The following CTNNA3 variants were observed in gnomAD, a reference collection of about 807,000 sequenced individuals.
The protein encoded by CTNNA3 is catenin alpha-3.
Under a neutral mutation model 95.7 loss-of-function variants are expected in CTNNA3, and 76 were observed. That is an observed-to-expected ratio of 0.79 (90% CI 0.66 to 0.96). The LOEUF is 0.96. Among genes scored for constraint, CTNNA3 ranks in the 40% least tolerant of loss-of-function variants. CTNNA3 has a pLI of 0.00. For missense variants in CTNNA3, 1,191 were observed against 1,089.8 expected (o/e 1.09, Z -1.31); for synonymous variants, 431 against 374.4 (o/e 1.15, Z -1.74).
In CTNNA3 at chr10:66,846,602, T is replaced by C. The variant is rs1241010788; in HGVS notation, c.1048-71078A>G. Among the ~76,000 whole-genome samples, 3 of 152,080 alleles carry C rather than the reference T, an allele frequency of 2.0e-5. 1 individual carries two copies. The highest frequency in any genetic ancestry group is 7.2e-5 in the African/African-American group (3 of 41,458). ...ATGTGTGTGTGTGTGTGTATATATA[T>C]ATACACAAATTTCATTTGTCAGTTA... On this transcript the variant is annotated intron_variant, in intron 7 of 17. Coordinates refer to ENST00000433211, the MANE Select transcript of CTNNA3 (RefSeq NM_013266.4).
intron 7 of CTNNA3, among the ~76,000 whole-genome samples, chr10:67,149,548 G>C (rs554311770): frequency 3.9e-5 from 6 of 152,248 alleles, no homozygotes; most frequent in African/African-American, 1.4e-4. Flanking sequence ...TTGCGCCACT[G>C]CACTCCAGCC....
intron 5 of CTNNA3, among the ~76,000 whole-genome samples, chr10:67,262,890 C>T (rs903964674): frequency 4.6e-5 from 7 of 152,114 alleles, no homozygotes; most frequent in South Asian, 2.1e-4. Flanking sequence ...CAATAAATTA[C>T]GGCTCATTCT....
At chr10:65,987,346 C>T (rs12244949) in intron 16 of CTNNA3, among the ~76,000 whole-genome samples, 3 of 151,542 alleles carry the variant, frequency 2.0e-5, no homozygotes, top group Non-Finnish European at 3.0e-5. Context: ...AAGAATAAAA[C>T]AAATTTAAAA....
intron 9 of CTNNA3, among the ~76,000 whole-genome samples, chr10:66,652,865 A>C (rs1008630511): frequency 1.3e-5 from 2 of 152,190 alleles, no homozygotes; most frequent in African/African-American, 4.8e-5. Context: ...GATACACCAC[A>C]TTAACAGAAT....
chr10:66,456,022 A>AC (rs1198183297), intron 11 of CTNNA3, among the ~76,000 whole-genome samples: 3 of 152,366 alleles, frequency 2.0e-5, no homozygotes, highest in African/African-American at 7.2e-5. Flanking sequence ...GCAGAAAACA[A>AC]CAAATGCTGA....
At chr10:66,343,218 T>C (rs1451517265) in intron 12 of CTNNA3, among the ~76,000 whole-genome samples, 4 of 152,036 alleles carry the variant, frequency 2.6e-5, no homozygotes, top group Non-Finnish European at 5.9e-5. Flanking sequence ...GCAATCCTGG[T>C]ACTGGTAATT....
intron 8 of CTNNA3, among the ~76,000 whole-genome samples, chr10:66,772,701 T>A (rs1395519000): frequency 6.6e-6 from 1 of 152,132 alleles, no homozygotes; most frequent in Non-Finnish European, 1.5e-5. Context: ...TGTCCTCAAA[T>A]CTATAATTTG....
chr10:67,431,100 T>A (rs1589282757), intron 5 of CTNNA3, among the ~76,000 whole-genome samples: 1 of 152,116 alleles, frequency 6.6e-6, no homozygotes, highest in South Asian at 2.1e-4. Flanking sequence ...CTGCCTATCA[T>A]CTTTCTCAAA....
At chr10:66,634,606 T>G (rs1447384615) in intron 9 of CTNNA3, among the ~76,000 whole-genome samples, 1 of 151,574 alleles carries the variant, frequency 6.6e-6, no homozygotes, top group Non-Finnish European at 1.5e-5. Context: ...TGTGTGTGTG[T>G]GTCTGCAGCA....
At chr10:65,941,686 C>T (rs559097509) in intron 17 of CTNNA3, among the ~76,000 whole-genome samples, 9 of 152,270 alleles carry the variant, frequency 5.9e-5, no homozygotes, top group African/African-American at 2.2e-4. Flanking sequence ...ACTGACTGCT[C>T]CCTCCCCCAT....
Position 65,915,656 on chromosome 10 carries a change from T to C in CTNNA3, c.*4674A>G, listed in dbSNP as rs1419094829. The C allele has an allele frequency of 1.3e-5, 2 of 152,118 alleles. No individual in the cohort carries two copies. The highest frequency in any genetic ancestry group is 4.8e-5 in the African/African-American group (2 of 41,426). The allele number at this position is 152,118 out of a possible 1,614,324, so 9.4% of individuals were successfully genotyped here. ...CTTATGGTCGGCCCCACAGCCCATC[T>C]CTTGCCTGCGGATGGGATTCTGGTC... is the stretch of plus-strand genomic sequence containing the variant. On this transcript the variant is annotated 3_prime_UTR_variant, in exon 18 of 18. Coordinates refer to ENST00000433211, the MANE Select transcript of CTNNA3 (RefSeq NM_013266.4).
chr10:67,362,192 C>CA, intron 5 of CTNNA3, among the ~76,000 whole-genome samples: 1 of 152,050 alleles, frequency 6.6e-6, no homozygotes, highest in East Asian at 1.9e-4. Flanking sequence ...ACCAGGGATA[C>CA]AAAAAAGAGC....
At chr10:66,879,161 C>T (rs1025464327) in intron 7 of CTNNA3, among the ~76,000 whole-genome samples, 2 of 152,118 alleles carry the variant, frequency 1.3e-5, no homozygotes, top group Admixed American at 1.3e-4. Flanking sequence ...GCTCCAAAGG[C>T]TTGTGCTGTT....
At chr10:67,396,275 TTGA>T (rs976239298) in intron 5 of CTNNA3, among the ~76,000 whole-genome samples, 1 of 152,188 alleles carries the variant, frequency 6.6e-6, no homozygotes, top group African/African-American at 2.4e-5. Flanking sequence ...TATAATTTAT[TTGA>T]TGATGACACT....
intron 16 of CTNNA3, among the ~76,000 whole-genome samples, chr10:65,977,294 A>C (rs2078224947): frequency 1.3e-5 from 2 of 152,140 alleles, no homozygotes. Context: ...GCCAGTTTTC[A>C]CGTTTCTACC....
intron 10 of CTNNA3, among the ~76,000 whole-genome samples, chr10:66,607,472 C>CAAAAAAAAAAAAAAAAAAAA (rs574854850): frequency 1.3e-4 from 6 of 45,276 alleles, no homozygotes; most frequent in Non-Finnish European, 2.3e-4. Context: ...CAGAGACAAC[C>CAAAAAAAAAAAAAAAAAAAA]AAAAAAAAAA....
intron 5 of CTNNA3, among the ~76,000 whole-genome samples, chr10:67,494,971 A>G (rs2133087779): frequency 6.6e-6 from 1 of 152,346 alleles, no homozygotes. Flanking sequence ...TTTTATTAGC[A>G]TAAGTGTGCC....
At chr10:65,940,211 T>C (rs2077408014) in intron 17 of CTNNA3, among the ~76,000 whole-genome samples, 2 of 152,344 alleles carry the variant, frequency 1.3e-5, no homozygotes, top group South Asian at 4.1e-4. Context: ...CAATGTGGAA[T>C]GTACTTACCT....
intron 7 of CTNNA3, among the ~76,000 whole-genome samples, chr10:67,078,710 GTTTCACCA>G (rs1856872246): frequency 6.6e-6 from 1 of 151,994 alleles, no homozygotes; most frequent in Non-Finnish European, 1.5e-5. Flanking sequence ...TAGACATGGG[GTTTCACCA>G]TGTTAGCCAG....
Sources: gnomAD v4.1 joint callset for allele counts (sites outside exome capture counted in the v4.1 genomes callset) on GRCh38, gnomAD v4.1.1 for gene constraint, MANE v1.5 for transcripts, NCBI Gene and HGNC (gene_info 2026-07-23, HGNC 2026-07-21) for gene names.